Variants in PEAR1 observed in about 807,000 individuals in gnomAD.
PEAR1 encodes the protein multiple EGF-like domains protein 12.
A neutral mutation model predicts 131.2 loss-of-function variants in PEAR1; 113 were observed. That is an observed-to-expected ratio of 0.86 (90% confidence interval 0.74 to 1.01). The LOEUF (loss-of-function observed/expected upper bound fraction) is 1.01, where lower values mean the gene tolerates loss of function less well. Ranked by LOEUF, PEAR1 falls within the 50% of genes least tolerant of loss-of-function variation. The pLI is 0.00. For synonymous variants in PEAR1, 565 were observed against 523.3 expected (o/e 1.08, Z -1.09); for missense variants, 1,408 against 1,391.1 (o/e 1.01, Z -0.19).
At position 156,911,103 on chromosome 1, in the gene PEAR1, TTTC is replaced by T. The variant is rs1411753796; in HGVS notation, c.1951+363_1951+365del. On this transcript the variant is annotated intron_variant, in intron 15 of 22. Coordinates refer to ENST00000292357, the MANE Select transcript of PEAR1 (RefSeq NM_001080471.3). The stretch of plus-strand genomic sequence containing the variant: ...TTTCTTTCTTTCTTTCCTTTCTTTC[TTTC>T]TTTTCTTTCTTCTTTCTTTCTTTCC... Among the ~76,000 whole-genome samples, 4 of 126,062 alleles carry T rather than the reference TTTC, an allele frequency of 3.2e-5. 1 individual carries two copies. The Admixed American group carries it at 3.2e-4, about 10-fold the overall frequency. 82.7% of individuals were successfully genotyped at this position (126,062 alleles called of 152,430 possible). A position where few individuals can be genotyped will look rare whatever the true frequency, so the allele number is the denominator to read the frequency against.
At chr1:156,903,595 T>A (rs753363857) in intron 1 of PEAR1, among the ~76,000 whole-genome samples, 7 of 152,108 alleles carry the variant, frequency 4.6e-5, no homozygotes, top group African/African-American at 7.2e-5. Context: ...CCAGAAGGAA[T>A]GAGTGGGATC....
chr1:156,905,278 T>C (rs1339378619), intron 3 of PEAR1, 46 bp from the exon 4 acceptor site: 31 of 1,580,266 alleles, frequency 2.0e-5, no homozygotes, highest in Non-Finnish European at 2.5e-5. Flanking sequence ...CTGTGGTGAG[T>C]GCGGACAGCA....
At chr1:156,910,868 T>G in intron 15 of PEAR1, 125 bp downstream of exon 15, 2 of 1,349,270 alleles carry the variant, frequency 1.5e-6, no homozygotes, top group South Asian at 2.8e-5. Flanking sequence ...AAATATTTAC[T>G]GGGCACCACC....
intron 1 of PEAR1, among the ~76,000 whole-genome samples, chr1:156,894,906 C>T (rs140356491): frequency 5.5e-4 from 83 of 152,288 alleles, no homozygotes; most frequent in African/African-American, 1.9e-3. Flanking sequence ...CGGTTGGAGA[C>T]GGGGGAGCTC....
In PEAR1 at chr1:156,908,835, G is replaced by A. The variant is rs1180383123; in HGVS notation, c.1290+6G>A. ...AGTGCGCGCCGGGTTACACGGTGAGGCGCGCCCGGCTGCAAGGAAGCGAGG... is the reference window on the plus strand; with the variant it reads ...AGTGCGCGCCGGGTTACACGGTGAGACGCGCCCGGCTGCAAGGAAGCGAGG... On this transcript the variant is annotated splice_donor_region_variant and intron_variant, in intron 10 of 22. Transcript: ENST00000292357. The surrounding 1 kb of genome is among the most constrained non-coding windows in gnomAD (Gnocchi z 4.2). The A allele has an allele frequency of 1.2e-6, 2 of 1,604,682 alleles. No homozygotes were observed. Among genetic ancestry groups the A allele is most frequent in the Non-Finnish European group, 1.7e-6 (2 of 1,178,096 alleles).
Position 156,913,738 on chromosome 1 carries a change from C to A in PEAR1, c.2691C>A (p.Gly897=), listed in dbSNP as rs185242439. 1.2e-6 allele frequency: 2 copies of A among 1,614,036 alleles called. No individual in the cohort carries two copies. The highest frequency in any genetic ancestry group is 1.3e-5 in the African/African-American group (1 of 75,066). The part of the protein sequence containing the change: ...DRSYSYSYSN[G]PGPFYNKGLI... ...GCTACAGCTATAGCTACAGCAATGGCCCAGGCCCATTCTACAATAAAGGTA... is the reference window on the plus strand; with the variant it reads ...GCTACAGCTATAGCTACAGCAATGGACCAGGCCCATTCTACAATAAAGGTA... The change falls in exon 21 of 23, where the codon GGC becomes GGA. Residue 897 remains glycine, a synonymous_variant. Coordinates refer to ENST00000292357, the MANE Select transcript of PEAR1 (RefSeq NM_001080471.3).
Position 156,910,080 on chromosome 1 carries a change from A to G in PEAR1, c.1650A>G (p.Gly550=). Residue 550 remains glycine, a synonymous_variant, in exon 13 of 23, where the codon GGA becomes GGG. Coordinates refer to ENST00000292357, the MANE Select transcript of PEAR1 (RefSeq NM_001080471.3). ...DHSDGCDPVH[G]RCQCQAGWMG... ...CTGATGGCTGTGACCCTGTTCATGG[A>G]CGCTGTCAGTGCCAGGCTGGCTGGA... The G allele has an allele frequency of 1.2e-6, 2 of 1,614,136 alleles. No individual in the cohort carries two copies. Among genetic ancestry groups the G allele is most frequent in the South Asian group, 1.1e-5 (1 of 91,080 alleles).
At chr1:156,909,380 G>A (rs1315666926) in intron 11 of PEAR1, among the ~76,000 whole-genome samples, 1 of 152,174 alleles carries the variant, frequency 6.6e-6, no homozygotes, top group African/African-American at 2.4e-5. Context: ...GCTGGACTCG[G>A]ATACAGTTGT....
At chr1:156,910,791 G>A in intron 15 of PEAR1, 48 bp downstream of exon 15, 2 of 1,607,742 alleles carry the variant, frequency 1.2e-6, no homozygotes, top group Non-Finnish European at 1.7e-6. Context: ...CTGAGAGGGG[G>A]TGCTGAGGAC....
intron 22 of PEAR1, 101 bp from the exon 23 acceptor site, chr1:156,914,546 C>A: frequency 8.1e-7 from 1 of 1,238,108 alleles, no homozygotes; most frequent in South Asian, 1.5e-5. Flanking sequence ...CTTCTCTTTG[C>A]CTTGAAGAGG....
intron 1 of PEAR1, among the ~76,000 whole-genome samples, chr1:156,903,391 G>C (rs1649879823): frequency 6.6e-6 from 1 of 152,188 alleles, no homozygotes; most frequent in African/African-American, 2.4e-5. Context: ...CTGAGCCCAA[G>C]GCTGAGTCCC....
intron 1 of PEAR1, among the ~76,000 whole-genome samples, chr1:156,900,799 G>T (rs752721335): frequency 2.6e-5 from 4 of 152,174 alleles, no homozygotes; most frequent in African/African-American, 9.7e-5. Flanking sequence ...GTCCCCCTCA[G>T]TGAGTGCACT....
At chr1:156,896,047 A>C (rs549920661) in intron 1 of PEAR1, among the ~76,000 whole-genome samples, 154 of 152,302 alleles carry the variant, frequency 1.0e-3, no homozygotes, top group African/African-American at 3.6e-3. Context: ...ACGCCACTGC[A>C]TTCCAGCCTG....
At chr1:156,898,617 G>A (rs1649392352) in intron 1 of PEAR1, among the ~76,000 whole-genome samples, 1 of 152,164 alleles carries the variant, frequency 6.6e-6, no homozygotes, top group African/African-American at 2.4e-5. Flanking sequence ...TGGGTGGGAA[G>A]GACTAAGTGA....
At chr1:156,907,393 C>T (rs549827070) in intron 6 of PEAR1, among the ~76,000 whole-genome samples, 102 of 152,222 alleles carry the variant, frequency 6.7e-4, no homozygotes, top group Admixed American at 1.6e-3. Context: ...ACATGCCACC[C>T]GTGGCTCTTT....
In PEAR1 at chr1:156,914,685, G is replaced by T. The variant is rs764515952; in HGVS notation, c.3001G>T (p.Gly1001Cys). ...GGGCTCCCAGCCCCCTCTGCCTCCGGGCCTACCCCCCGGCCACTATGACTC... is the reference window on the plus strand; with the variant it reads ...GGGCTCCCAGCCCCCTCTGCCTCCGTGCCTACCCCCCGGCCACTATGACTC... ...SVGSQPPLPP[G>C]LPPGHYDSPK... is the part of the protein sequence containing the mutation. Residue 1001 changes from glycine (G) to cysteine (C), a missense_variant, in exon 23 of 23, where the codon GGC (glycine) becomes TGC (cysteine). Gly to Cys is a radical substitution (Grantham distance 159, BLOSUM62 -3). Transcript: ENST00000292357. 1 of 1,613,544 alleles carries T rather than the reference G, an allele frequency of 6.2e-7. No homozygotes were observed.
At chr1:156,896,528 G>C (rs753782303) in intron 1 of PEAR1, among the ~76,000 whole-genome samples, 1 of 152,234 alleles carries the variant, frequency 6.6e-6, no homozygotes, top group Non-Finnish European at 1.5e-5. Context: ...GACAGCCTGC[G>C]GGAGGGGTTG....
chr1:156,901,504 C>G (rs11810069), intron 1 of PEAR1, among the ~76,000 whole-genome samples: 5,448 of 152,298 alleles, frequency 0.036, 330 homozygotes, highest in African/African-American at 0.12. Context: ...CTTCCTGCAA[C>G]AAGTTTTGTC....
chr1:156,896,697 G>A (rs887126228), intron 1 of PEAR1, among the ~76,000 whole-genome samples: 2 of 152,214 alleles, frequency 1.3e-5, no homozygotes, highest in Non-Finnish European at 2.9e-5. Context: ...GGAGATGTGT[G>A]CAGTGGACAG....
Sources: allele counts gnomAD v4.1 joint callset (sites outside exome capture counted in the v4.1 genomes callset), GRCh38; gene constraint gnomAD v4.1.1; non-coding constraint Gnocchi (gnomAD v3.1); transcripts MANE v1.5; gene names NCBI Gene and HGNC (gene_info 2026-07-23, HGNC 2026-07-21).